SPIDR: variants seen among roughly 807,000 people sequenced by gnomAD.
SPIDR encodes scaffold protein involved in DNA repair.
A neutral mutation model predicts 104.6 loss-of-function variants in SPIDR; 93 were observed. The observed-to-expected ratio is 0.89, with a 90% CI of 0.75 to 1.06. The LOEUF is 1.06. Among genes scored for constraint, SPIDR ranks in the 50% least tolerant of loss-of-function variants. The pLI is 0.00. For synonymous variants in SPIDR, 431 were observed against 416.9 expected (o/e 1.03, Z -0.41); for missense variants, 1,154 against 1,111.2 (o/e 1.04, Z -0.55).
intron 8 of SPIDR, among the ~76,000 whole-genome samples, chr8:47,567,583 G>C (rs2058028318): frequency 6.6e-6 from 1 of 151,966 alleles, no homozygotes; most frequent in African/African-American, 2.4e-5. Flanking sequence ...CAAAGATCCT[G>C]CTACTAGAAA....
Position 47,713,491 on chromosome 8 carries a change from C to T in SPIDR, c.2191C>T (p.Arg731Trp), listed in dbSNP as rs766801688. ...FFKDALRDQG[R>W]IVCAERTVLL... ...ACCTGAAGTGTCTCTGTCGGCAGGT[C>T]GGATTGTTTGTGCTGAACGAACTGT... The change falls in exon 16 of 20, where the codon CGG (arginine) becomes TGG (tryptophan). Residue 731 changes from arginine to tryptophan, a missense_variant and splice_region_variant. Arg to Trp is a moderately radical substitution (Grantham distance 101). Transcript: ENST00000297423. The T allele has an allele frequency of 7.4e-6, 12 of 1,614,120 alleles. No homozygotes were observed. The highest frequency in any genetic ancestry group is 1.7e-4 in the Middle Eastern group (1 of 6,060).
At chr8:47,278,321 A>G (rs1309538995) in intron 1 of SPIDR, among the ~76,000 whole-genome samples, 1 of 137,950 alleles carries the variant, frequency 7.2e-6, no homozygotes, top group East Asian at 2.1e-4. Flanking sequence ...ACACCCAGCT[A>G]TTTTTTTTTT....
chr8:47,733,451 C>T (rs1308792906), intron 19 of SPIDR, among the ~76,000 whole-genome samples: 1 of 152,172 alleles, frequency 6.6e-6, no homozygotes, highest in East Asian at 1.9e-4. Context: ...TAACATTTTA[C>T]AAATAAATGA....
chr8:47,611,456 T>C (rs549645687), intron 10 of SPIDR, among the ~76,000 whole-genome samples: 1 of 152,194 alleles, frequency 6.6e-6, no homozygotes, highest in African/African-American at 2.4e-5. Context: ...CCCAGCACTT[T>C]GGGAGGCCGA....
intron 11 of SPIDR, among the ~76,000 whole-genome samples, chr8:47,676,162 T>C (rs2154473425): frequency 6.6e-6 from 1 of 152,362 alleles, no homozygotes; most frequent in African/African-American, 2.4e-5. Flanking sequence ...TTAATCTAGT[T>C]TTTGTGGTTG....
At chr8:47,672,731 G>A (rs541682743) in intron 10 of SPIDR, among the ~76,000 whole-genome samples, 1 of 152,192 alleles carries the variant, frequency 6.6e-6, no homozygotes, top group Non-Finnish European at 1.5e-5. Context: ...CAGCAGGTCT[G>A]GTGTTACTTC....
At chr8:47,390,797 T>A (rs1299157648) in intron 5 of SPIDR, among the ~76,000 whole-genome samples, 2 of 152,152 alleles carry the variant, frequency 1.3e-5, no homozygotes, top group Admixed American at 1.3e-4. Flanking sequence ...GTCAACTTGT[T>A]CAAAGTAACA....
chr8:47,631,006 C>T (rs961624015), intron 10 of SPIDR, among the ~76,000 whole-genome samples: 7 of 152,156 alleles, frequency 4.6e-5, no homozygotes, highest in Non-Finnish European at 1.0e-4. Context: ...CAGCCCCCAG[C>T]ACCCTGAGGG....
chr8:47,303,181 G>C (rs1016789870), intron 5 of SPIDR, among the ~76,000 whole-genome samples: 5 of 152,210 alleles, frequency 3.3e-5, no homozygotes, highest in Non-Finnish European at 5.9e-5. Context: ...CTGCCTTGCA[G>C]TTTGATCTCA....
chr8:47,470,961 C>G (rs1292203912), intron 8 of SPIDR, among the ~76,000 whole-genome samples: 4 of 152,114 alleles, frequency 2.6e-5, no homozygotes, highest in South Asian at 2.1e-4. Flanking sequence ...GTCTCGATCT[C>G]CTGACCTTGT....
At chr8:47,350,086 T>A (rs1370898689) in intron 5 of SPIDR, among the ~76,000 whole-genome samples, 1 of 152,244 alleles carries the variant, frequency 6.6e-6, no homozygotes, top group African/African-American at 2.4e-5. Flanking sequence ...GAGCTGTTCC[T>A]ATTCAGCCAT....
intron 8 of SPIDR, among the ~76,000 whole-genome samples, chr8:47,484,531 C>T (rs2077278660): frequency 6.6e-6 from 1 of 152,182 alleles, no homozygotes; most frequent in Non-Finnish European, 1.5e-5. Flanking sequence ...ACACTGGTCC[C>T]TTATCCTCCT....
chr8:47,404,010 C>G (rs1428429224), intron 6 of SPIDR, among the ~76,000 whole-genome samples: 1 of 152,128 alleles, frequency 6.6e-6, no homozygotes, highest in Non-Finnish European at 1.5e-5. Flanking sequence ...GAGATACAGA[C>G]CAATGGAACA....
At chr8:47,711,787 A>G (rs528194690) in intron 14 of SPIDR, among the ~76,000 whole-genome samples, 1 of 152,324 alleles carries the variant, frequency 6.6e-6, no homozygotes, top group African/African-American at 2.4e-5. Flanking sequence ...CGCTTCTCCA[A>G]CAGTAAGAAG....
intron 8 of SPIDR, among the ~76,000 whole-genome samples, chr8:47,585,295 G>C (rs2060148707): frequency 6.6e-6 from 1 of 152,154 alleles, no homozygotes; most frequent in Non-Finnish European, 1.5e-5. Flanking sequence ...ACTGACCATT[G>C]TTAATTGGTG....
rs188987336 is a variant in SPIDR at position 47,607,401 on chromosome 8, T to C, written c.1544+8205T>C. ...GCTTGTTTCCTCTCTAAAACAGTTA[T>C]TGGCAGTCCTTATGATATCCAAGGC... On this transcript the variant is annotated intron_variant, in intron 10 of 19. Coordinates refer to ENST00000297423, the MANE Select transcript of SPIDR (RefSeq NM_001080394.4). Among the ~76,000 whole-genome samples, 376 of 152,202 alleles carry C rather than the reference T, an allele frequency of 2.5e-3. 1 individual carries two copies. The highest frequency in any genetic ancestry group is 4.1e-3 in the Non-Finnish European group (281 of 68,004).
chr8:47,530,376 G>A (rs530014186), intron 8 of SPIDR, among the ~76,000 whole-genome samples: 1 of 152,226 alleles, frequency 6.6e-6, no homozygotes, highest in South Asian at 2.1e-4. Context: ...CCTGGGAGGT[G>A]GAGGTTGCAG....
intron 8 of SPIDR, among the ~76,000 whole-genome samples, chr8:47,570,426 A>C (rs2058373436): frequency 6.6e-6 from 1 of 152,230 alleles, no homozygotes; most frequent in African/African-American, 2.4e-5. Context: ...TGAATCAGAG[A>C]CCTAAATGTA....
At chr8:47,302,273 C>T (rs1193880152) in intron 5 of SPIDR, among the ~76,000 whole-genome samples, 6 of 152,182 alleles carry the variant, frequency 3.9e-5, no homozygotes, top group South Asian at 2.1e-4. Flanking sequence ...ACGTAGTTCT[C>T]GTGCTGTGGT....
Sources: allele counts gnomAD v4.1 joint callset (sites outside exome capture counted in the v4.1 genomes callset), GRCh38; gene constraint gnomAD v4.1.1; transcripts MANE v1.5; gene names NCBI Gene and HGNC (gene_info 2026-07-23, HGNC 2026-07-21).